PDE1C: variants seen among roughly 807,000 people sequenced by gnomAD.
PDE1C encodes the protein phosphodiesterase 1C, also known as dual specificity calcium/calmodulin-dependent 3',5'-cyclic nucleotide phosphodiesterase 1C.
Under a neutral mutation model 93.1 loss-of-function variants are expected in PDE1C, and 62 were observed. The ratio of observed to expected loss-of-function variants is 0.67; its 90% confidence interval spans 0.54 to 0.82. The LOEUF is 0.82. Ranked by LOEUF, PDE1C falls within the 40% of genes least tolerant of loss-of-function variation. The pLI is 0.00. For synonymous variants in PDE1C, 325 were observed against 310.1 expected (o/e 1.05, Z -0.50); for missense variants, 742 against 884.6 (o/e 0.84, Z 2.04).
chr7:32,057,840 C>T (rs758832337), intron 1 of PDE1C, among the ~76,000 whole-genome samples: 9 of 152,312 alleles, frequency 5.9e-5, no homozygotes, highest in Non-Finnish European at 1.3e-4. Context: ...GCATCAAGTA[C>T]TCCAGAATCA....
At chr7:31,794,034 A>G (rs1323562683) in intron 16 of PDE1C, among the ~76,000 whole-genome samples, 2 of 120,710 alleles carry the variant, frequency 1.7e-5, no homozygotes, top group Admixed American at 1.6e-4. Flanking sequence ...ATAGATAGAT[A>G]GATAGATAGA....
At chr7:31,896,288 G>C (rs979777811) in intron 2 of PDE1C, among the ~76,000 whole-genome samples, 1 of 152,144 alleles carries the variant, frequency 6.6e-6, no homozygotes, top group Admixed American at 6.5e-5. Context: ...TATAGGGGTA[G>C]AAACAGGACC....
intron 2 of PDE1C, among the ~76,000 whole-genome samples, chr7:32,011,224 G>A (rs1215712109): frequency 2.7e-5 from 4 of 149,990 alleles, no homozygotes; most frequent in South Asian, 2.1e-4. Context: ...AAGAAGTCTC[G>A]CTCTGTTGCC....
rs138572314 is a variant in PDE1C, at chr7:32,171,293, C to T, written c.137-1337G>A. On this transcript the variant is annotated intron_variant, in intron 2 of 18. Coordinates refer to the PDE1C transcript ENST00000396193. ...TTAGATAAACCACTTGAAGAACCTGCGACAGAACACCTGACCCGTGCTCTT... is the reference window on the plus strand; with the variant it reads ...TTAGATAAACCACTTGAAGAACCTGTGACAGAACACCTGACCCGTGCTCTT... 6.0e-3 allele frequency among the ~76,000 whole-genome samples: 909 copies of T among 152,036 alleles called. 4 individuals are homozygous for T. Among genetic ancestry groups the T allele is most frequent in the Middle Eastern group, 0.01 (3 of 294 alleles).
intron 2 of PDE1C, among the ~76,000 whole-genome samples, chr7:32,194,701 G>C (rs1207425796): frequency 6.6e-6 from 1 of 152,044 alleles, no homozygotes; most frequent in African/African-American, 2.4e-5. Context: ...ACATAGTTGG[G>C]TCATGTTTTT....
At chr7:32,374,247 A>G (rs1299609516) in intron 1 of PDE1C, among the ~76,000 whole-genome samples, 34 of 112,118 alleles carry the variant, frequency 3.0e-4, no homozygotes, top group African/African-American at 9.7e-4. Flanking sequence ...AGAAGGAAGG[A>G]AAGGAAAGGA....
At chr7:32,148,006 G>A (rs199611295) in intron 3 of PDE1C, among the ~76,000 whole-genome samples, 751 of 42,096 alleles carry the variant, frequency 0.018, no homozygotes, top group East Asian at 0.077. Flanking sequence ...AAAAAAAAAA[G>A]CCTAACCTTT....
At chr7:31,707,090 T>C in the PDE1C span, 1 of 891,742 alleles carries the variant, frequency 1.1e-6, no homozygotes, top group Non-Finnish European at 1.7e-6. Context: ...GGTAACCTTG[T>C]AGACACTAAG....
intron 17 of PDE1C, among the ~76,000 whole-genome samples, chr7:31,758,084 G>A (rs1184620833): frequency 6.6e-6 from 1 of 152,142 alleles, no homozygotes; most frequent in African/African-American, 2.4e-5. Flanking sequence ...AGTCATAGGT[G>A]GGAATTGAAC....
At chr7:32,204,898 T>C (rs1411850666) in intron 2 of PDE1C, among the ~76,000 whole-genome samples, 2 of 152,184 alleles carry the variant, frequency 1.3e-5, no homozygotes, top group African/African-American at 2.4e-5. Flanking sequence ...TCTGTCTCCC[T>C]AATTAGACTG....
intron 2 of PDE1C, among the ~76,000 whole-genome samples, chr7:31,893,173 A>G (rs2128903988): frequency 6.6e-6 from 1 of 152,352 alleles, no homozygotes; most frequent in Middle Eastern, 3.4e-3. Flanking sequence ...TTGGGGTGTG[A>G]AAACACAGGT....
At chr7:31,649,046 G>C in the PDE1C span, among the ~76,000 whole-genome samples, 1 of 152,172 alleles carries the variant, frequency 6.6e-6, no homozygotes. Flanking sequence ...TTCCCTAAGT[G>C]TTTCAAATTC....
At chr7:31,713,553 C>T in the PDE1C span, among the ~76,000 whole-genome samples, 1 of 152,220 alleles carries the variant, frequency 6.6e-6, no homozygotes, top group Non-Finnish European at 1.5e-5. Flanking sequence ...AGGTGGTACA[C>T]CAGTAGGGAC....
At chr7:32,383,987 C>T (rs1784580412) in intron 1 of PDE1C, among the ~76,000 whole-genome samples, 1 of 152,210 alleles carries the variant, frequency 6.6e-6, no homozygotes, top group African/African-American at 2.4e-5. Context: ...TCTGTTTGAA[C>T]ACAATCAGAT....
chr7:32,295,163 A>G lies in PDE1C; in HGVS notation c.85+3488T>C, dbSNP rs548119011. Among the ~76,000 whole-genome samples the G allele has an allele frequency of 2.6e-5, 4 of 152,334 alleles. No individual in the cohort carries two copies. In the South Asian group the frequency reaches 8.3e-4, roughly 32 times the overall value. On this transcript the variant is annotated intron_variant, in intron 1 of 18. Transcript: ENST00000396193. ...GAGCAGCAACCCCACCCTGTCCCAC[A>G]TGCAGCAATGGTCTCATCTCTTTCT...
chr7:31,975,089 G>A (rs1052471095), intron 2 of PDE1C, among the ~76,000 whole-genome samples: 1 of 151,990 alleles, frequency 6.6e-6, no homozygotes, highest in African/African-American at 2.4e-5. Context: ...TCTATTTACT[G>A]AGCAACCAGC....
chr7:31,664,290 C>T, the PDE1C span, among the ~76,000 whole-genome samples: 8 of 150,566 alleles, frequency 5.3e-5, no homozygotes, highest in South Asian at 8.3e-4. Context: ...GATGTACTTA[C>T]GCACAGAGCC....
At chr7:31,654,333 G>A in the PDE1C span, among the ~76,000 whole-genome samples, 85 of 152,262 alleles carry the variant, frequency 5.6e-4, no homozygotes, top group East Asian at 5.0e-3. Flanking sequence ...TGCTCAGTGC[G>A]GTGGGGCATG....
chr7:31,656,079 G>A, the PDE1C span: 1 of 931,850 alleles, frequency 1.1e-6, no homozygotes, highest in Non-Finnish European at 1.3e-6. Context: ...GGCTTTCCTT[G>A]ATGATCTGTG....
Sources: gnomAD v4.1 joint callset for allele counts (sites outside exome capture counted in the v4.1 genomes callset) on GRCh38, gnomAD v4.1.1 for gene constraint, MANE v1.5 for transcripts, NCBI Gene and HGNC (gene_info 2026-07-23, HGNC 2026-07-21) for gene names.